The following RNASET2 variants were observed in gnomAD, a reference collection of about 807,000 sequenced individuals.
The protein encoded by RNASET2 is ribonuclease T2, also known as ribonuclease 6.
Under a neutral mutation model 33.9 loss-of-function variants are expected in RNASET2, and 28 were observed. That is an observed-to-expected ratio of 0.83 (90% CI 0.61 to 1.13). RNASET2 has a LOEUF of 1.13. RNASET2 is among the 50% of genes most tolerant of loss of function. The probability of loss-of-function intolerance (pLI) is 0.00; values close to 1 mark genes in which losing one functional copy is unlikely to be tolerated. For missense variants in RNASET2, 330 were observed against 319.9 expected (o/e 1.03, Z -0.24); for synonymous variants, 123 against 121.0 (o/e 1.02, Z -0.11).
rs142060315 is a variant in RNASET2, at chr6:166,952,210, C to T, written c.147+278G>A. ...CAGAGCCTTCCAGGAGGAACCAACC[C>T]TTCTGACCCCTAGGTTGAAACTTCC... On this transcript the variant is annotated intron_variant, in intron 2 of 8. Coordinates refer to ENST00000508775, the MANE Select transcript of RNASET2 (RefSeq NM_003730.6). Among the ~76,000 whole-genome samples, 596 of 152,350 alleles carry T rather than the reference C, an allele frequency of 3.9e-3. 7 individuals are homozygous for T. Among genetic ancestry groups the T allele is most frequent in the African/African-American group, 0.014 (582 of 41,584 alleles).
rs928131551 is a variant in RNASET2 at position 166,927,600 on chromosome 6, C to G, written c.*1988G>C. On this transcript the variant is annotated 3_prime_UTR_variant, in exon 9 of 9. Coordinates refer to ENST00000508775, the MANE Select transcript of RNASET2 (RefSeq NM_003730.6). ...TGAAGAGCTGCTTTCCTTGACCCCC[C>G]AAGGCTATAAAATAAATGCAATTTG... Among the ~76,000 whole-genome samples, 3 of 150,798 alleles carry G rather than the reference C, an allele frequency of 2.0e-5. No individual in the cohort carries two copies. The highest frequency in any genetic ancestry group is 4.9e-5 in the African/African-American group (2 of 40,802).
At chr6:166,931,995 T>C (rs1035304392) in intron 7 of RNASET2, 1 of 152,980 alleles carries the variant, frequency 6.5e-6, no homozygotes, top group Non-Finnish European at 1.5e-5. Flanking sequence ...TTCCACCCCA[T>C]GGCTTCCCTC....
chr6:166,925,022 C>T lies in RNASET2; in HGVS notation c.*4566G>A, dbSNP rs1279117875. 6.6e-6 allele frequency among the ~76,000 whole-genome samples: 1 copy of T among 152,134 alleles called. No individual in the cohort carries two copies. Among genetic ancestry groups the T allele is most frequent in the Non-Finnish European group, 1.5e-5 (1 of 68,008 alleles). Reference sequence around the variant, plus strand: ...CCTCATCTACGCCATCCAGCCCTCACCCACAGTGTCCAGACCTCACTTCTC... The same window carrying T: ...CCTCATCTACGCCATCCAGCCCTCATCCACAGTGTCCAGACCTCACTTCTC... On this transcript the variant is annotated 3_prime_UTR_variant, in exon 9 of 9. Transcript: ENST00000508775.
At chr6:166,954,717 A>C (rs1409524833) in intron 1 of RNASET2, among the ~76,000 whole-genome samples, 1 of 152,250 alleles carries the variant, frequency 6.6e-6, no homozygotes, top group East Asian at 1.9e-4. Flanking sequence ...TAAGGTGTTT[A>C]AAAAGTAAAA....
At chr6:166,955,360 CACGCACACACAA>C (rs1359504884) in intron 1 of RNASET2, 27 of 271,294 alleles carry the variant, frequency 1.0e-4, no homozygotes, top group Non-Finnish European at 1.2e-4. Flanking sequence ...CGCACACACA[CACGCACACACAA>C]ACGCACACGC....
chr6:166,949,500 C>CAAAAAAAAAAAA (rs61621125), intron 2 of RNASET2, among the ~76,000 whole-genome samples: 2 of 44,396 alleles, frequency 4.5e-5, no homozygotes, highest in Non-Finnish European at 4.3e-5. Context: ...GACTCCATCT[C>CAAAAAAAAAAAA]AAAAAAAAAA....
rs1778326648 is a variant in RNASET2 at position 166,927,647 on chromosome 6, C to T, written c.*1941G>A. Among the ~76,000 whole-genome samples the T allele has an allele frequency of 6.8e-6, 1 of 147,802 alleles. No homozygotes were observed. Among genetic ancestry groups the T allele is most frequent in the African/African-American group, 2.5e-5 (1 of 39,770 alleles). On this transcript the variant is annotated 3_prime_UTR_variant, in exon 9 of 9. Coordinates refer to ENST00000508775, the MANE Select transcript of RNASET2 (RefSeq NM_003730.6). ...TTTGAATAGGAAGTCTGTTCAAATT[C>T]ACCAGCTCCTCTGGGAATAATGAAG... is the stretch of plus-strand genomic sequence containing the variant.
chr6:166,931,253 G>A (rs1778431711), intron 7 of RNASET2, 135 bp from the exon 8 acceptor site: 3 of 727,068 alleles, frequency 4.1e-6, no homozygotes, highest in Admixed American at 3.8e-5. Flanking sequence ...GCACAGGTGT[G>A]AGAATGATGC....
At chr6:166,940,880 A>ACTGT (rs1464712913) in intron 5 of RNASET2, among the ~76,000 whole-genome samples, 1 of 151,606 alleles carries the variant, frequency 6.6e-6, no homozygotes, top group African/African-American at 2.4e-5. Context: ...TCACCCACCC[A>ACTGT]CTGTCACCCA....
Position 166,926,181 on chromosome 6 carries a change from T to C in RNASET2, c.*3407A>G, listed in dbSNP as rs1369740880. 1.3e-5 allele frequency among the ~76,000 whole-genome samples: 2 copies of C among 152,090 alleles called. No individual in the cohort carries two copies. Among genetic ancestry groups the C allele is most frequent in the Admixed American group, 1.3e-4 (2 of 15,280 alleles). ...AGTTTCCAGTTCACTTTGAGGTTTCTACCTGGAATAAGCGGATGGTGATGT... is the reference window on the plus strand; with the variant it reads ...AGTTTCCAGTTCACTTTGAGGTTTCCACCTGGAATAAGCGGATGGTGATGT... On this transcript the variant is annotated 3_prime_UTR_variant, in exon 9 of 9. Transcript: ENST00000508775.
chr6:166,946,498 G>C (rs576569534), intron 4 of RNASET2, 184 bp downstream of exon 4: 4 of 618,354 alleles, frequency 6.5e-6, no homozygotes, highest in Non-Finnish European at 1.2e-5. Context: ...AGAGGGAAAA[G>C]GTCAATTGGT....
chr6:166,945,146 C>G (rs1000087986), intron 4 of RNASET2: 1 of 171,306 alleles, frequency 5.8e-6, no homozygotes, highest in Non-Finnish European at 1.3e-5. Flanking sequence ...CCTCATCCAC[C>G]CACGTCCACA....
Position 166,933,772 on chromosome 6 carries a change from A to C in RNASET2, c.492+319T>G. ...TCATGAAAACAAACCACAAACAAAT[A>C]TAAGACTACGTTATAAAAGTGAATG... On this transcript the variant is annotated intron_variant, in intron 7 of 8. Coordinates refer to ENST00000508775, the MANE Select transcript of RNASET2 (RefSeq NM_003730.6). The surrounding 1 kb of genome is among the most constrained non-coding windows in gnomAD (Gnocchi z 4.1). The C allele has an allele frequency of 2.6e-6, 1 of 388,956 alleles. No individual in the cohort carries two copies. The highest frequency in any genetic ancestry group is 4.6e-6 in the Non-Finnish European group (1 of 216,110). 24.1% of individuals were successfully genotyped at this position (388,956 alleles called of 1,614,324 possible). A position where few individuals can be genotyped will look rare whatever the true frequency, so the allele number is the denominator to read the frequency against.
Position 166,952,471 on chromosome 6 carries a change from A to AAGGC in RNASET2, c.147+13_147+16dup. On this transcript the variant is annotated intron_variant, in intron 2 of 8. Coordinates refer to ENST00000508775, the MANE Select transcript of RNASET2 (RefSeq NM_003730.6). ...GGCTCCCCAGGCCCCAGGGCCCGTC[A>AAGGC]AGGCAGAAACACTCACCTCGCATAC... is the stretch of plus-strand genomic sequence containing the variant. The AAGGC allele has an allele frequency of 6.2e-7, 1 of 1,612,894 alleles. No homozygotes were observed. Among genetic ancestry groups the AAGGC allele is most frequent in the Non-Finnish European group, 8.5e-7 (1 of 1,178,792 alleles).
intron 2 of RNASET2, among the ~76,000 whole-genome samples, chr6:166,952,123 C>T (rs1778998481): frequency 6.6e-6 from 1 of 152,198 alleles, no homozygotes; most frequent in Admixed American, 6.5e-5. Flanking sequence ...TGGGTCAGCC[C>T]AGGAACGCAG....
intron 6 of RNASET2, among the ~76,000 whole-genome samples, chr6:166,937,863 G>A (rs972671378): frequency 6.6e-5 from 10 of 152,108 alleles, no homozygotes; most frequent in Non-Finnish European, 1.0e-4. Flanking sequence ...CCCGCTAACC[G>A]TGCCAAGCCC....
At chr6:166,931,008 T>G (rs768604147) in intron 8 of RNASET2, 36 bp downstream of exon 8, 5 of 1,472,624 alleles carry the variant, frequency 3.4e-6, no homozygotes, top group Non-Finnish European at 4.8e-6. Context: ...CCTGTCTTCT[T>G]GAGAAAAAAA....
rs576639665 is a variant in RNASET2, at chr6:166,923,228, CTTTT to C, written c.*6356_*6359del. On this transcript the variant is annotated 3_prime_UTR_variant, in exon 9 of 9. Coordinates refer to ENST00000508775, the MANE Select transcript of RNASET2 (RefSeq NM_003730.6). ...ACAGGCGTGAGCCACCAGGCCCGGC[CTTTT>C]TTTTTTTTTTTTTTTTTGAGACAGA... 9.7e-6 allele frequency among the ~76,000 whole-genome samples: 1 copy of C among 102,646 alleles called. No homozygotes were observed. The highest frequency in any genetic ancestry group is 1.8e-5 in the Non-Finnish European group (1 of 54,568). 67.3% of individuals were successfully genotyped at this position (102,646 alleles called of 152,430 possible).
intron 4 of RNASET2, among the ~76,000 whole-genome samples, chr6:166,946,161 G>A (rs955939380): frequency 6.6e-6 from 1 of 152,204 alleles, no homozygotes; most frequent in Non-Finnish European, 1.5e-5. Flanking sequence ...TTCCCGCCCT[G>A]TGAGTTTTCT....
Sources: allele counts gnomAD v4.1 joint callset (sites outside exome capture counted in the v4.1 genomes callset), GRCh38; gene constraint gnomAD v4.1.1; non-coding constraint Gnocchi (gnomAD v3.1); transcripts MANE v1.5; gene names NCBI Gene and HGNC (gene_info 2026-07-23, HGNC 2026-07-21).